The following NUBPL variants were observed in gnomAD, a reference collection of about 807,000 sequenced individuals.
NUBPL encodes the protein iron-sulfur cluster transfer protein NUBPL.
Under a neutral mutation model 45.7 loss-of-function variants are expected in NUBPL, and 31 were observed. The observed-to-expected ratio is 0.68, with a 90% CI of 0.51 to 0.92. The LOEUF (loss-of-function observed/expected upper bound fraction) is 0.92. Ranked by LOEUF, NUBPL falls within the 40% of genes least tolerant of loss-of-function variation. The probability of loss-of-function intolerance (pLI) is 0.00; values close to 1 mark genes in which losing one functional copy is unlikely to be tolerated. For missense variants in NUBPL, 401 were observed against 398.7 expected (o/e 1.01, Z -0.05); for synonymous variants, 144 against 140.9 (o/e 1.02, Z -0.15).
intron 6 of NUBPL, among the ~76,000 whole-genome samples, chr14:31,783,374 C>A (rs2039226734): frequency 6.6e-6 from 1 of 152,000 alleles, no homozygotes; most frequent in African/African-American, 2.4e-5. Context: ...TATCAGCAAG[C>A]CTTTATAGAA....
intron 7 of NUBPL, among the ~76,000 whole-genome samples, chr14:31,820,894 G>T (rs1219701718): frequency 6.6e-6 from 1 of 150,862 alleles, no homozygotes; most frequent in Non-Finnish European, 1.5e-5. Context: ...GCTGAGGTGG[G>T]TGGATCACCT....
chr14:31,765,774 G>A lies in NUBPL; in HGVS notation c.514-22006G>A, dbSNP rs1353487866. 2.0e-5 allele frequency among the ~76,000 whole-genome samples: 3 copies of A among 152,134 alleles called. No homozygotes were observed. The East Asian group carries it at 5.8e-4, about 29-fold the overall frequency. On this transcript the variant is annotated intron_variant, in intron 6 of 10. Coordinates refer to ENST00000281081, the MANE Select transcript of NUBPL (RefSeq NM_025152.3). ...TTTAAAGCTATCTTTGTTTACCAAAGATTACTAAAGTCATGTGAACTTGAA... is the reference window on the plus strand; with the variant it reads ...TTTAAAGCTATCTTTGTTTACCAAAAATTACTAAAGTCATGTGAACTTGAA...
At chr14:31,769,170 A>T (rs972931094) in intron 6 of NUBPL, among the ~76,000 whole-genome samples, 3 of 152,206 alleles carry the variant, frequency 2.0e-5, no homozygotes, top group Admixed American at 6.5e-5. Context: ...GCAACATATT[A>T]TGTCAGTTTA....
intron 4 of NUBPL, among the ~76,000 whole-genome samples, chr14:31,664,329 G>A (rs1005636567): frequency 2.0e-5 from 3 of 152,148 alleles, no homozygotes; most frequent in Non-Finnish European, 4.4e-5. Context: ...CAAAGGGAAT[G>A]CTTCCAGCTT....
chr14:31,842,839 A>G (rs1028926117), intron 8 of NUBPL, among the ~76,000 whole-genome samples: 5 of 152,156 alleles, frequency 3.3e-5, no homozygotes, highest in Non-Finnish European at 7.3e-5. Flanking sequence ...TATATATTGT[A>G]TATGTAGTAT....
At chr14:31,665,977 G>T (rs879774479) in intron 4 of NUBPL, among the ~76,000 whole-genome samples, 1 of 151,734 alleles carries the variant, frequency 6.6e-6, no homozygotes, top group Non-Finnish European at 1.5e-5. Flanking sequence ...TTACTATTAT[G>T]TAATGCTCTT....
rs766288647 is a variant in NUBPL, at chr14:31,805,471, TTTG to T, written c.607+17602_607+17604del. 4.3e-4 allele frequency among the ~76,000 whole-genome samples: 66 copies of T among 152,192 alleles called. 1 individual carries two copies. Among genetic ancestry groups the T allele is most frequent in the Non-Finnish European group, 8.2e-4 (56 of 68,028 alleles). ...TCATAAAGACACATGCACGTGTACA[TTTG>T]TTGCACTACTACTCACAATAGCAAA... On this transcript the variant is annotated intron_variant, in intron 7 of 10. Transcript: ENST00000281081.
intron 4 of NUBPL, among the ~76,000 whole-genome samples, chr14:31,635,535 C>G (rs1054934333): frequency 2.0e-5 from 3 of 151,952 alleles, no homozygotes; most frequent in African/African-American, 7.3e-5. Flanking sequence ...ATGCCTCCAG[C>G]TTTGTTCTTT....
intron 6 of NUBPL, among the ~76,000 whole-genome samples, chr14:31,752,744 G>T (rs2038559674): frequency 6.6e-6 from 1 of 152,118 alleles, no homozygotes; most frequent in Admixed American, 6.5e-5. Context: ...CAGTATCCTG[G>T]TACCAATTTC....
chr14:31,755,318 G>A (rs1391364417), intron 6 of NUBPL, among the ~76,000 whole-genome samples: 10 of 152,280 alleles, frequency 6.6e-5, no homozygotes, highest in East Asian at 3.9e-4. Context: ...CCCACCAACA[G>A]TGTAAAAGTG....
intron 6 of NUBPL, among the ~76,000 whole-genome samples, chr14:31,694,129 A>C (rs1001850164): frequency 2.0e-5 from 3 of 152,130 alleles, no homozygotes; most frequent in African/African-American, 7.2e-5. Context: ...TGCTGGGATT[A>C]CAGGCGTGAG....
At chr14:31,807,184 G>C (rs1480524773) in intron 7 of NUBPL, among the ~76,000 whole-genome samples, 1 of 152,182 alleles carries the variant, frequency 6.6e-6, no homozygotes, top group Admixed American at 6.5e-5. Context: ...TTAGATCCTT[G>C]AGGAATCGCC....
Position 31,561,433 on chromosome 14 carries a change from C to T in NUBPL, c.-7C>T, listed in dbSNP as rs201073307. On this transcript the variant is annotated 5_prime_UTR_variant, in exon 1 of 11. Coordinates refer to ENST00000281081, the MANE Select transcript of NUBPL (RefSeq NM_025152.3). ...TCCCAGCAGGGCTCACAGCAGCGTT[C>T]CGCGTCATGGGGATTTGGCAGCGTC... 313 of 1,396,836 alleles carry T rather than the reference C, an allele frequency of 2.2e-4. 4 individuals are homozygous for T. In the East Asian group the frequency reaches 7.9e-3, roughly 35 times the overall value. The allele number at this position is 1,396,836 out of a possible 1,614,324, so 86.5% of individuals were successfully genotyped here. A position where few individuals can be genotyped will look rare whatever the true frequency, so the allele number is the denominator to read the frequency against.
intron 4 of NUBPL, among the ~76,000 whole-genome samples, chr14:31,647,759 C>G (rs189117187): frequency 2.6e-5 from 4 of 152,308 alleles, no homozygotes; most frequent in African/African-American, 9.6e-5. Context: ...TGGGACAGAT[C>G]TTCTGCCAAG....
chr14:31,615,926 G>T (rs778273607), intron 4 of NUBPL, among the ~76,000 whole-genome samples: 1 of 152,152 alleles, frequency 6.6e-6, no homozygotes, highest in African/African-American at 2.4e-5. Flanking sequence ...GTGTAAAAGC[G>T]TTCCTATTTC....
At chr14:31,770,148 C>T (rs1429384904) in intron 6 of NUBPL, among the ~76,000 whole-genome samples, 1 of 152,076 alleles carries the variant, frequency 6.6e-6, no homozygotes, top group Non-Finnish European at 1.5e-5. Context: ...TTCATCTTGT[C>T]CACTGCCCAG....
At chr14:31,730,503 G>A (rs1018906221) in intron 6 of NUBPL, among the ~76,000 whole-genome samples, 9 of 144,908 alleles carry the variant, frequency 6.2e-5, no homozygotes, top group South Asian at 4.4e-4. Flanking sequence ...TTGCACCGTC[G>A]CCCAGGCTGT....
intron 3 of NUBPL, among the ~76,000 whole-genome samples, chr14:31,570,534 C>G (rs1227988741): frequency 6.6e-6 from 1 of 152,174 alleles, no homozygotes; most frequent in Non-Finnish European, 1.5e-5. Flanking sequence ...TTGATTCTCA[C>G]AGAAACCTGT....
intron 7 of NUBPL, among the ~76,000 whole-genome samples, chr14:31,822,273 C>T (rs1299503716): frequency 6.6e-6 from 1 of 151,934 alleles, no homozygotes; most frequent in Non-Finnish European, 1.5e-5. Context: ...ACATTGCATG[C>T]CTGTATCAAA....
Sources: gnomAD v4.1 joint callset for allele counts (sites outside exome capture counted in the v4.1 genomes callset) on GRCh38, gnomAD v4.1.1 for gene constraint, MANE v1.5 for transcripts, NCBI Gene and HGNC (gene_info 2026-07-23, HGNC 2026-07-21) for gene names.